The following ARHGAP32 variants were observed in gnomAD, a reference collection of about 807,000 sequenced individuals.
ARHGAP32 encodes the protein rho GTPase-activating protein 32.
ARHGAP32 carries 51 observed loss-of-function variants against 186.5 expected under a neutral mutation model. That is an observed-to-expected ratio of 0.27 (90% CI 0.22 to 0.35). The LOEUF is 0.35. ARHGAP32 is among the 10% of genes least tolerant of loss of function. The probability of loss-of-function intolerance (pLI) is 1.00; values close to 1 mark genes in which losing one functional copy is unlikely to be tolerated. For missense variants in ARHGAP32, 2,186 were observed against 2,623.5 expected, an observed-to-expected ratio of 0.83 and a Z score of 3.64; for synonymous variants, 950 against 964.3, an observed-to-expected ratio of 0.99 and a Z score of 0.27.
chr11:129,134,051 G>A (rs190051454), intron 2 of ARHGAP32, among the ~76,000 whole-genome samples: 95 of 152,148 alleles, frequency 6.2e-4, no homozygotes, highest in Non-Finnish European at 9.1e-4. Flanking sequence ...ATAATTTTAA[G>A]TATAATATGA....
chr11:129,066,056 C>G (rs1195695452), intron 7 of ARHGAP32, among the ~76,000 whole-genome samples: 1 of 152,116 alleles, frequency 6.6e-6, no homozygotes, highest in Non-Finnish European at 1.5e-5. Flanking sequence ...ATGAATGTGA[C>G]AGCTTCACTT....
chr11:129,226,610 T>A (rs1944786093), intron 1 of ARHGAP32, among the ~76,000 whole-genome samples: 1 of 151,946 alleles, frequency 6.6e-6, no homozygotes, highest in African/African-American at 2.4e-5. Context: ...ACAAGACACA[T>A]AAAAAACTAA....
chr11:128,998,864 C>T (rs1591517421), intron 11 of ARHGAP32, among the ~76,000 whole-genome samples: 4 of 152,346 alleles, frequency 2.6e-5, no homozygotes, highest in Admixed American at 2.6e-4. Flanking sequence ...CCAATCAATA[C>T]TCTTGTGGTT....
intron 1 of ARHGAP32, among the ~76,000 whole-genome samples, chr11:129,167,229 G>GAAACA (rs1203360808): frequency 6.6e-6 from 1 of 152,096 alleles, no homozygotes; most frequent in African/African-American, 2.4e-5. Flanking sequence ...AGACTAGCTG[G>GAAACA]GAAAGATACG....
Position 128,971,253 on chromosome 11 carries a change from G to A in ARHGAP32, c.4054-94C>T, listed in dbSNP as rs60181419. 42 of 1,144,554 alleles carry A rather than the reference G, an allele frequency of 3.7e-5. No individual in the cohort carries two copies. The East Asian group carries it at 1.0e-3, about 28-fold the overall frequency. 70.9% of individuals were successfully genotyped at this position (1,144,554 alleles called of 1,614,324 possible). ...GTAACTCACAAATTAAGGCTGGTTGGGTAGCAGCTTGAACTTTCCCAAGCC... is the reference window on the plus strand; with the variant it reads ...GTAACTCACAAATTAAGGCTGGTTGAGTAGCAGCTTGAACTTTCCCAAGCC... On this transcript the variant is annotated intron_variant, in intron 22 of 22. Transcript: ENST00000682385.
At chr11:129,136,801 A>G (rs1395407836) in intron 2 of ARHGAP32, among the ~76,000 whole-genome samples, 2 of 152,108 alleles carry the variant, frequency 1.3e-5, no homozygotes, top group Admixed American at 6.5e-5. Context: ...CCCATTCATG[A>G]TAAGAACTAC....
chr11:129,247,501 A>G (rs1185410230), intron 1 of ARHGAP32, among the ~76,000 whole-genome samples: 1 of 152,222 alleles, frequency 6.6e-6, no homozygotes, highest in Non-Finnish European at 1.5e-5. Context: ...TCCAAAATAA[A>G]AATGTACCAA....
chr11:129,027,994 T>C (rs1392025655), intron 11 of ARHGAP32, among the ~76,000 whole-genome samples: 1 of 152,118 alleles, frequency 6.6e-6, no homozygotes, highest in Non-Finnish European at 1.5e-5. Flanking sequence ...AAAGACTGAT[T>C]AGGGGGCTAC....
chr11:128,996,876 C>T (rs527525362), intron 12 of ARHGAP32, among the ~76,000 whole-genome samples: 118 of 152,216 alleles, frequency 7.8e-4, no homozygotes, highest in Non-Finnish European at 1.4e-3. Flanking sequence ...ACCTCCCAAG[C>T]TCAGATGATT....
chr11:129,098,166 C>A (rs911739017), intron 5 of ARHGAP32, among the ~76,000 whole-genome samples: 3 of 152,072 alleles, frequency 2.0e-5, no homozygotes, highest in African/African-American at 7.2e-5. Flanking sequence ...ACCACTAGAC[C>A]TGCCAAACAG....
chr11:129,027,442 G>A (rs563231226), intron 11 of ARHGAP32, among the ~76,000 whole-genome samples: 34 of 152,156 alleles, frequency 2.2e-4, no homozygotes, highest in Non-Finnish European at 4.1e-4. Context: ...CCCCAGAGAA[G>A]ATCTGATCCC....
At chr11:129,050,793 A>G (rs1255888465) in intron 10 of ARHGAP32, among the ~76,000 whole-genome samples, 1 of 152,238 alleles carries the variant, frequency 6.6e-6, no homozygotes, top group Middle Eastern at 3.4e-3. Flanking sequence ...TCCGTTCCCT[A>G]GTCCCCCACC....
chr11:128,981,992 C>G (rs866077411), intron 15 of ARHGAP32, 56 bp from the exon 16 acceptor site: 5 of 1,096,652 alleles, frequency 4.6e-6, no homozygotes, highest in African/African-American at 1.6e-5. Flanking sequence ...CAGTATAGAA[C>G]ATAAAAGCCT....
intron 6 of ARHGAP32, among the ~76,000 whole-genome samples, chr11:129,092,655 C>T (rs1941611591): frequency 6.6e-6 from 1 of 151,898 alleles, no homozygotes; most frequent in Admixed American, 6.6e-5. Context: ...ACTCTGACAC[C>T]TAAAAAGAAA....
At chr11:129,134,686 A>G (rs2135412199) in intron 2 of ARHGAP32, among the ~76,000 whole-genome samples, 1 of 152,332 alleles carries the variant, frequency 6.6e-6, no homozygotes, top group African/African-American at 2.4e-5. Flanking sequence ...CAAAATGTGT[A>G]TATTAAAACC....
At chr11:129,263,000 G>A (rs1013422148) in intron 1 of ARHGAP32, among the ~76,000 whole-genome samples, 1 of 152,084 alleles carries the variant, frequency 6.6e-6, no homozygotes, top group Non-Finnish European at 1.5e-5. Context: ...AACTGGGAAA[G>A]GACAGTCTTC....
At chr11:129,094,348 T>TA (rs1481943350) in intron 5 of ARHGAP32, among the ~76,000 whole-genome samples, 5 of 152,132 alleles carry the variant, frequency 3.3e-5, no homozygotes, top group African/African-American at 4.8e-5. Context: ...TATAAATATA[T>TA]AAACCTACTC....
chr11:129,143,465 G>A (rs560697049), intron 2 of ARHGAP32, among the ~76,000 whole-genome samples: 17 of 152,218 alleles, frequency 1.1e-4, no homozygotes, highest in African/African-American at 3.9e-4. Context: ...GCCCCACTCC[G>A]TCCCGCCTGG....
chr11:128,996,464 G>GT (rs1374362663), intron 12 of ARHGAP32, among the ~76,000 whole-genome samples: 1 of 151,964 alleles, frequency 6.6e-6, no homozygotes, highest in African/African-American at 2.4e-5. Flanking sequence ...ATCTCTTCAT[G>GT]TTTTTTGTTT....
Sources: gnomAD v4.1 joint callset for allele counts (sites outside exome capture counted in the v4.1 genomes callset) on GRCh38, gnomAD v4.1.1 for gene constraint, MANE v1.5 for transcripts, NCBI Gene and HGNC (gene_info 2026-07-23, HGNC 2026-07-21) for gene names.